WIPF3: variants seen among roughly 807,000 people sequenced by gnomAD.
WIPF3 encodes the protein WAS/WASL interacting protein family member 3, also known as WAS/WASL-interacting protein family member 3.
In WIPF3, 33 loss-of-function variants were observed where a neutral mutation model predicts 38.9. The observed-to-expected ratio is 0.85, with a 90% CI of 0.64 to 1.14. The LOEUF (loss-of-function observed/expected upper bound fraction) is 1.14, where lower values mean the gene tolerates loss of function less well. Among genes scored for constraint, WIPF3 ranks in the 50% most tolerant of loss-of-function variants. WIPF3 has a pLI of 0.00. For missense variants in WIPF3, 711 were observed against 652.5 expected, an observed-to-expected ratio of 1.09 and a Z score of -0.98; for synonymous variants, 324 against 269.3, an observed-to-expected ratio of 1.20 and a Z score of -1.99.
chr7:29,812,551 C>T (rs898860207), intron 1 of WIPF3, among the ~76,000 whole-genome samples: 3 of 152,216 alleles, frequency 2.0e-5, no homozygotes, highest in Admixed American at 6.5e-5. Context: ...TAATGTCCTT[C>T]TATTAGTGAG....
chr7:29,833,480 A>C (rs1287802129), intron 1 of WIPF3, among the ~76,000 whole-genome samples: 1 of 152,220 alleles, frequency 6.6e-6, no homozygotes, highest in Non-Finnish European at 1.5e-5. Context: ...CTGACCTTAG[A>C]AGATTCTTGT....
In WIPF3 at chr7:29,879,973, G is replaced by A. The variant is rs543072989; in HGVS notation, c.355+833G>A. 8.5e-5 allele frequency among the ~76,000 whole-genome samples: 13 copies of A among 152,260 alleles called. No homozygotes were observed. In the South Asian group the frequency reaches 2.1e-3, roughly 24 times the overall value. On this transcript the variant is annotated intron_variant, in intron 4 of 8. Coordinates refer to ENST00000242140, the MANE Select transcript of WIPF3 (RefSeq NM_001080529.3). ...TCACAAGGATGGGGAAATAGACTTC[G>A]CCTCTTGATGAGAGGAACTGTAAAA...
At chr7:29,828,792 G>A (rs1784668606) in intron 1 of WIPF3, among the ~76,000 whole-genome samples, 1 of 152,256 alleles carries the variant, frequency 6.6e-6, no homozygotes, top group African/African-American at 2.4e-5. Flanking sequence ...TGGGGAAGGA[G>A]TTCCTACTTC....
intron 1 of WIPF3, among the ~76,000 whole-genome samples, chr7:29,822,631 G>A (rs774384304): frequency 3.3e-5 from 5 of 152,200 alleles, no homozygotes; most frequent in Non-Finnish European, 7.3e-5. Flanking sequence ...GGAGAGCAGG[G>A]CTCTGCAGGC....
rs188334690 is a variant in WIPF3 at position 29,838,653 on chromosome 7, A to G, written c.90+3839A>G. Among the ~76,000 whole-genome samples, 840 of 152,314 alleles carry G rather than the reference A, an allele frequency of 5.5e-3. 5 individuals are homozygous for G. The highest frequency in any genetic ancestry group is 0.019 in the African/African-American group (773 of 41,572). On this transcript the variant is annotated intron_variant, in intron 2 of 8. Transcript: ENST00000242140. Reference sequence around the variant, plus strand: ...TCATACACTGCTGGTGGGAGTGTAAATTGATATAAACCCTTTGGAAAACCG... The same window carrying G: ...TCATACACTGCTGGTGGGAGTGTAAGTTGATATAAACCCTTTGGAAAACCG...
At chr7:29,818,460 AT>A (rs1583589508) in intron 1 of WIPF3, among the ~76,000 whole-genome samples, 1 of 150,704 alleles carries the variant, frequency 6.6e-6, no homozygotes, top group African/African-American at 2.4e-5. Flanking sequence ...CTCAAAAAAA[AT>A]AATTAAAATA....
rs140502819 is a variant in WIPF3 at position 29,895,089 on chromosome 7, C to A, written c.1351+5682C>A. Among the ~76,000 whole-genome samples the A allele has an allele frequency of 6.4e-3, 977 of 152,078 alleles. 12 individuals carry two copies. The highest frequency in any genetic ancestry group is 0.021 in the African/African-American group (852 of 41,490). On this transcript the variant is annotated intron_variant, in intron 7 of 8. Transcript: ENST00000242140. ...GCCTCAGCCTCCCAAGTAGCCCATG[C>A]ACCACCACACCCAGCTAATTTTTGT...
chr7:29,856,088 A>G (rs1206138745), intron 2 of WIPF3, among the ~76,000 whole-genome samples: 1 of 152,154 alleles, frequency 6.6e-6, no homozygotes, highest in East Asian at 1.9e-4. Context: ...TATCTTCCTC[A>G]CAGACTTTGC....
At chr7:29,832,146 T>C (rs1784732585) in intron 1 of WIPF3, among the ~76,000 whole-genome samples, 1 of 152,254 alleles carries the variant, frequency 6.6e-6, no homozygotes, top group Non-Finnish European at 1.5e-5. Context: ...ATGAGACCTC[T>C]AGATATTCTC....
At chr7:29,891,113 G>A (rs1786008599) in intron 7 of WIPF3, among the ~76,000 whole-genome samples, 1 of 73,520 alleles carries the variant, frequency 1.4e-5, no homozygotes, top group Admixed American at 1.5e-4. Flanking sequence ...GGGGGAACAC[G>A]GGCCTGCCCT....
chr7:29,907,185 A>G (rs1786414031), intron 8 of WIPF3, among the ~76,000 whole-genome samples: 2 of 152,256 alleles, frequency 1.3e-5, no homozygotes, highest in African/African-American at 4.8e-5. Flanking sequence ...GATTTAAAAG[A>G]CAAAACATTT....
chr7:29,879,058 C>T lies in WIPF3; in HGVS notation c.273C>T (p.Gly91=), dbSNP rs374360350. Residue 91 remains glycine, a synonymous_variant, in exon 4 of 9, where the codon GGC becomes GGT. Transcript: ENST00000242140. ...KEGGGSANTR[G]ASTPPTLGDL... The stretch of plus-strand genomic sequence containing the variant: ...GAGGAGGTTCTGCAAACACACGAGG[C>T]GCGAGCACACCTCCCACCCTGGGAG... 18 of 1,607,666 alleles carry T rather than the reference C, an allele frequency of 1.1e-5. No individual in the cohort carries two copies. Among genetic ancestry groups the T allele is most frequent in the East Asian group, 4.5e-5 (2 of 44,808 alleles).
intron 1 of WIPF3, among the ~76,000 whole-genome samples, chr7:29,832,291 T>C (rs1488890573): frequency 6.6e-6 from 1 of 152,206 alleles, no homozygotes; most frequent in Non-Finnish European, 1.5e-5. Flanking sequence ...AATACAAATA[T>C]CTGATAATTT....
intron 1 of WIPF3, among the ~76,000 whole-genome samples, chr7:29,813,071 T>C (rs1259251754): frequency 6.6e-6 from 1 of 152,190 alleles, no homozygotes; most frequent in Non-Finnish European, 1.5e-5. Flanking sequence ...CTCTCCTCCG[T>C]CTCGTTTAAC....
chr7:29,915,829 G>C lies in WIPF3; in HGVS notation c.*1313G>C, dbSNP rs1407065214. 1 of 152,274 alleles carries C rather than the reference G, an allele frequency of 6.6e-6. No individual in the cohort carries two copies. Among genetic ancestry groups the C allele is most frequent in the Non-Finnish European group, 1.5e-5 (1 of 68,088 alleles). 9.4% of individuals were successfully genotyped at this position (152,274 alleles called of 1,614,324 possible). A position where few individuals can be genotyped will look rare whatever the true frequency, so the allele number is the denominator to read the frequency against. ...AAGGAAACAGACTGATCCCTGGGCT[G>C]TGCTCAAAATAGCTGCCCTTTAAAG... On this transcript the variant is annotated 3_prime_UTR_variant, in exon 9 of 9. Transcript: ENST00000242140.
chr7:29,886,975 CT>C (rs1285130981), intron 5 of WIPF3, among the ~76,000 whole-genome samples: 1 of 152,144 alleles, frequency 6.6e-6, no homozygotes, highest in African/African-American at 2.4e-5. Context: ...CTCATAGATC[CT>C]TGTGCCCAGA....
chr7:29,901,850 G>GAAA (rs1414637699), intron 7 of WIPF3, among the ~76,000 whole-genome samples: 11 of 28,274 alleles, frequency 3.9e-4, no homozygotes, highest in Non-Finnish European at 5.2e-4. Flanking sequence ...AAAAAAAAAA[G>GAAA]AAAGAAAGAA....
At chr7:29,859,597 G>GA (rs1429591363) in intron 2 of WIPF3, among the ~76,000 whole-genome samples, 1 of 152,112 alleles carries the variant, frequency 6.6e-6, no homozygotes, top group Non-Finnish European at 1.5e-5. Context: ...ATGAAAGTAG[G>GA]AACCTGGAAG....
intron 2 of WIPF3, among the ~76,000 whole-genome samples, chr7:29,836,885 G>T (rs1784812182): frequency 6.6e-6 from 1 of 152,170 alleles, no homozygotes; most frequent in Non-Finnish European, 1.5e-5. Context: ...AGCTACTCAG[G>T]AGGCTGTGGC....
Sources: allele counts gnomAD v4.1 joint callset (sites outside exome capture counted in the v4.1 genomes callset), GRCh38; gene constraint gnomAD v4.1.1; transcripts MANE v1.5; gene names NCBI Gene and HGNC (gene_info 2026-07-23, HGNC 2026-07-21).